The following EIF2B3 variants were observed in gnomAD, a reference collection of about 807,000 sequenced individuals.
EIF2B3 encodes eukaryotic translation initiation factor 2B subunit gamma, also known as translation initiation factor eIF2B subunit gamma.
A neutral mutation model predicts 54.1 loss-of-function variants in EIF2B3; 20 were observed. The observed-to-expected ratio is 0.37, with a 90% CI of 0.26 to 0.54. EIF2B3 has a LOEUF of 0.54. Ranked by LOEUF, EIF2B3 falls within the 20% of genes least tolerant of loss-of-function variation. The pLI is 0.86. For missense variants in EIF2B3, 448 were observed against 547.8 expected, an observed-to-expected ratio of 0.82 and a Z score of 1.82; for synonymous variants, 153 against 188.1, an observed-to-expected ratio of 0.81 and a Z score of 1.52.
At chr1:44,906,606 G>C (rs1643415399) in intron 5 of EIF2B3, among the ~76,000 whole-genome samples, 1 of 152,066 alleles carries the variant, frequency 6.6e-6, no homozygotes, top group Non-Finnish European at 1.5e-5. Context: ...CATTATGTTG[G>C]TCAGGCTGGT....
chr1:44,875,097 G>A (rs1350634032), intron 9 of EIF2B3, among the ~76,000 whole-genome samples: 1 of 152,144 alleles, frequency 6.6e-6, no homozygotes, highest in Non-Finnish European at 1.5e-5. Flanking sequence ...GTATACAGAT[G>A]TGCTCTCTTA....
At chr1:44,920,057 CAG>C (rs920310693) in intron 5 of EIF2B3, among the ~76,000 whole-genome samples, 1 of 146,988 alleles carries the variant, frequency 6.8e-6, no homozygotes, top group African/African-American at 2.5e-5. Context: ...TTTTTTCGAG[CAG>C]AGTCTCCCTC....
intron 5 of EIF2B3, among the ~76,000 whole-genome samples, chr1:44,912,253 CATA>C (rs1346810502): frequency 1.3e-5 from 2 of 152,190 alleles, no homozygotes; most frequent in Admixed American, 6.5e-5. Flanking sequence ...CCTCATTTCA[CATA>C]ATAATTGCTA....
At chr1:44,970,207 A>G (rs1052250793) in intron 3 of EIF2B3, among the ~76,000 whole-genome samples, 1 of 152,232 alleles carries the variant, frequency 6.6e-6, no homozygotes, top group Non-Finnish European at 1.5e-5. Context: ...TCAATATCCT[A>G]TAAGCACATG....
chr1:44,866,745 G>A (rs1332294226), intron 10 of EIF2B3, among the ~76,000 whole-genome samples: 1 of 152,148 alleles, frequency 6.6e-6, no homozygotes, highest in African/African-American at 2.4e-5. Context: ...AGTAGAGACG[G>A]GGTTTCACCA....
At chr1:44,899,311 CTG>C (rs1273003281) in intron 5 of EIF2B3, among the ~76,000 whole-genome samples, 5 of 152,182 alleles carry the variant, frequency 3.3e-5, no homozygotes, top group Non-Finnish European at 1.5e-5. Flanking sequence ...TCTCACATGA[CTG>C]TTTATAATCA....
intron 3 of EIF2B3, among the ~76,000 whole-genome samples, chr1:44,946,094 G>A (rs1557698995): frequency 2.0e-5 from 3 of 152,178 alleles, no homozygotes; most frequent in Admixed American, 1.3e-4. Flanking sequence ...CTCTCTTTGC[G>A]TTTTGATGAC....
At chr1:44,956,315 G>A (rs1410439783) in intron 3 of EIF2B3, among the ~76,000 whole-genome samples, 1 of 152,086 alleles carries the variant, frequency 6.6e-6, no homozygotes, top group Non-Finnish European at 1.5e-5. Context: ...GTTGAACAAT[G>A]AGAACACGTG....
chr1:44,869,856 A>T (rs989934818), intron 10 of EIF2B3, among the ~76,000 whole-genome samples: 1 of 152,030 alleles, frequency 6.6e-6, no homozygotes, highest in African/African-American at 2.4e-5. Flanking sequence ...CTAATTCATA[A>T]GAACAATGGG....
At chr1:44,877,202 A>AAAAAAAAAC (rs1655201601) in intron 8 of EIF2B3, among the ~76,000 whole-genome samples, 12 of 142,948 alleles carry the variant, frequency 8.4e-5, no homozygotes, top group African/African-American at 2.9e-4. Context: ...TAAAAAAAAA[A>AAAAAAAAAC]AAAAAAAAAA....
rs1644325265 is a variant in EIF2B3, at chr1:44,965,240, G to GAGTT, written c.294+13074_294+13075insAACT. On this transcript the variant is annotated intron_variant, in intron 3 of 11. Transcript: ENST00000360403. The stretch of plus-strand genomic sequence containing the variant: ...TGTTAGGAGATTTGCTCATTTCTAA[G>GAGTT]TATGTTTTACACAAAACTAATTAAG... Among the ~76,000 whole-genome samples the GAGTT allele has an allele frequency of 2.0e-5, 3 of 152,306 alleles. 1 individual carries two copies. Among genetic ancestry groups the GAGTT allele is most frequent in the East Asian group, 3.9e-4 (2 of 5,184 alleles).
At chr1:44,970,040 G>A (rs976133078) in intron 3 of EIF2B3, 4 of 152,030 alleles carry the variant, frequency 2.6e-5, no homozygotes, top group African/African-American at 9.7e-5. Context: ...AAGAGGTTTG[G>A]GTAGCTGAAA....
rs557220366 is a variant in EIF2B3 at position 44,862,790 on chromosome 1, G to C, written c.1203-4983C>G. Among the ~76,000 whole-genome samples the C allele has an allele frequency of 2.0e-3, 311 of 152,086 alleles. No individual in the cohort carries two copies. The Middle Eastern group carries it at 0.031, about 15-fold the overall frequency. ...TTTTTTGTATTTTTAGTAGAGATGG[G>C]GTTTCATTATGTTGACCAGGCTGGT... On this transcript the variant is annotated intron_variant, in intron 10 of 11. Transcript: ENST00000360403.
intron 3 of EIF2B3, among the ~76,000 whole-genome samples, chr1:44,972,730 C>T (rs1007630486): frequency 1.4e-4 from 21 of 151,966 alleles, no homozygotes; most frequent in African/African-American, 3.6e-4. Context: ...TGCAGTGGTA[C>T]GATCTCAGCT....
chr1:44,909,268 A>G (rs1643469761), intron 5 of EIF2B3, among the ~76,000 whole-genome samples: 2 of 152,182 alleles, frequency 1.3e-5, no homozygotes, highest in African/African-American at 4.8e-5. Context: ...CAGATTAAAC[A>G]TAAGCGTTAA....
intron 5 of EIF2B3, among the ~76,000 whole-genome samples, chr1:44,902,435 A>G (rs1449883156): frequency 6.6e-6 from 1 of 152,046 alleles, no homozygotes; most frequent in African/African-American, 2.4e-5. Flanking sequence ...TCGAGGCTGC[A>G]GTGAGCTATG....
At chr1:44,951,186 C>T (rs552317333) in intron 3 of EIF2B3, among the ~76,000 whole-genome samples, 1 of 152,190 alleles carries the variant, frequency 6.6e-6, no homozygotes, top group South Asian at 2.1e-4. Flanking sequence ...AAAATTGCAC[C>T]AACTCCAAAA....
chr1:44,942,413 A>ATATATACATATATATG (rs1644042314), intron 3 of EIF2B3, among the ~76,000 whole-genome samples: 4 of 10,460 alleles, frequency 3.8e-4, no homozygotes, highest in African/African-American at 3.1e-3. Context: ...ATATATATAT[A>ATATATACATATATATG]TATATTTTTT....
chr1:44,852,489 C>T (rs900530452), intron 11 of EIF2B3, among the ~76,000 whole-genome samples: 1 of 151,988 alleles, frequency 6.6e-6, no homozygotes, highest in South Asian at 2.1e-4. Context: ...ACTATAAGAA[C>T]ATTGAGGGCG....
Sources: allele counts gnomAD v4.1 joint callset (sites outside exome capture counted in the v4.1 genomes callset), GRCh38; gene constraint gnomAD v4.1.1; transcripts MANE v1.5; gene names NCBI Gene and HGNC (gene_info 2026-07-23, HGNC 2026-07-21).